Variants in CFAP47 observed in about 807,000 individuals in gnomAD.
CFAP47 encodes the protein cilia and flagella associated protein 47, also known as cilia- and flagella-associated protein 47.
Under a neutral mutation model 148.1 loss-of-function variants are expected in CFAP47, and 29 were observed. The observed-to-expected ratio is 0.20, with a 90% CI of 0.15 to 0.27. The LOEUF (loss-of-function observed/expected upper bound fraction) is 0.27, where lower values mean the gene tolerates loss of function less well. Ranked by LOEUF, CFAP47 falls within the 10% of genes least tolerant of loss-of-function variation. CFAP47 has a pLI of 1.00. For synonymous variants in CFAP47, 664 were observed against 577.3 expected, an observed-to-expected ratio of 1.15 and a Z score of -2.15; for missense variants, 1,872 against 1,697.5, an observed-to-expected ratio of 1.10 and a Z score of -1.81.
intron 8 of CFAP47, among the ~76,000 whole-genome samples, chrX:35,957,081 T>A (rs904730011): frequency 2.8e-5 from 3 of 109,091 alleles, no homozygotes; most frequent in African/African-American, 1.0e-4. Flanking sequence ...TGGTGGCACA[T>A]GCCTCTAGTC....
chrX:36,341,282 G>A (rs782581487), intron 57 of CFAP47, among the ~76,000 whole-genome samples: 11 of 110,448 alleles, frequency 1.0e-4, no homozygotes, highest in Admixed American at 1.9e-4. Flanking sequence ...TGATCTGCCC[G>A]CCTCGGCCTC....
chrX:35,992,653 A>G (rs1334558640), intron 17 of CFAP47, among the ~76,000 whole-genome samples: 1 of 111,542 alleles, frequency 9.0e-6, no homozygotes, highest in Admixed American at 9.6e-5. Flanking sequence ...AGCTTAAAGC[A>G]TGGTAAATAG....
At chrX:36,265,760 T>TG (rs1344022866) in intron 49 of CFAP47, among the ~76,000 whole-genome samples, 5 of 111,876 alleles carry the variant, frequency 4.5e-5, no homozygotes, top group African/African-American at 1.6e-4. Flanking sequence ...GTGATTTTTT[T>TG]GGGGGGTAAA....
At chrX:35,995,916 T>C (rs1337838493) in intron 18 of CFAP47, among the ~76,000 whole-genome samples, 3 of 111,633 alleles carry the variant, frequency 2.7e-5, no homozygotes, top group African/African-American at 9.8e-5. Flanking sequence ...ATCACAGGCT[T>C]CAAAGTCTCT....
At chrX:36,322,032 G>A (rs1835065211) in intron 57 of CFAP47, among the ~76,000 whole-genome samples, 1 of 110,875 alleles carries the variant, frequency 9.0e-6, no homozygotes, top group Admixed American at 9.7e-5. Context: ...TCTATATTGT[G>A]CTTTTTTGCT....
In CFAP47 at chrX:35,971,781, A is replaced by G; in HGVS notation, c.2157+9A>G. 1 of 1,199,339 alleles carries G rather than the reference A, an allele frequency of 8.3e-7. No individual in the cohort carries two copies. Among genetic ancestry groups the G allele is most frequent in the Non-Finnish European group, 1.1e-6 (1 of 886,396 alleles). On this transcript the variant is annotated intron_variant, in intron 12 of 63. Coordinates refer to ENST00000378653, the MANE Select transcript of CFAP47 (RefSeq NM_001304548.2). ...AGTCTGTGAGAAGAAAGGCACGTGC[A>G]ATGTTTTACATTTGGTTATTCCACG...
At chrX:35,951,384 A>G (rs768557480) in intron 5 of CFAP47, 25 bp downstream of exon 5, 7 of 932,871 alleles carry the variant, frequency 7.5e-6, no homozygotes, top group Non-Finnish European at 4.6e-6. Flanking sequence ...CGACAGGGAT[A>G]TCAGATATTA....
chrX:36,179,219 A>G (rs764878389), intron 39 of CFAP47, 126 bp from the exon 40 acceptor site: 148 of 269,698 alleles, frequency 5.5e-4, no homozygotes, highest in Middle Eastern at 1.0e-3. Context: ...ATTTTTTTAA[A>G]CTGTAGTTTA....
intron 49 of CFAP47, among the ~76,000 whole-genome samples, chrX:36,259,850 C>A (rs1940796358): frequency 1.8e-5 from 2 of 111,328 alleles, no homozygotes; most frequent in African/African-American, 6.5e-5. Context: ...GCCTTCCAAC[C>A]AATGCCCTTC....
intron 15 of CFAP47, among the ~76,000 whole-genome samples, chrX:35,979,035 T>TG (rs1362979120): frequency 9.0e-6 from 1 of 111,598 alleles, no homozygotes; most frequent in Non-Finnish European, 1.9e-5. Flanking sequence ...TGGAGTGCAA[T>TG]GGCGTCATCT....
intron 15 of CFAP47, among the ~76,000 whole-genome samples, chrX:35,984,036 G>A (rs1187533345): frequency 1.8e-5 from 2 of 111,592 alleles, no homozygotes; most frequent in African/African-American, 6.5e-5. Flanking sequence ...AGTAAGAATG[G>A]TGCCAGCTCT....
At chrX:36,137,128 G>A (rs1020934731) in intron 33 of CFAP47, among the ~76,000 whole-genome samples, 1 of 110,995 alleles carries the variant, frequency 9.0e-6, no homozygotes, top group South Asian at 3.8e-4. Context: ...TGTCATGGGT[G>A]TATCATGTCA....
rs200312725 is a variant in CFAP47, at chrX:36,066,059, A to AT, written c.4318+322dup. On this transcript the variant is annotated intron_variant, in intron 27 of 63. Coordinates refer to ENST00000378653, the MANE Select transcript of CFAP47 (RefSeq NM_001304548.2). ...TCTGTAGCAGTGGGAACCTTCTGTC[A>AT]TTTTTTGAGTATCAGTGTTTAGAAA... is the stretch of plus-strand genomic sequence containing the variant. 1.9e-3 allele frequency among the ~76,000 whole-genome samples: 208 copies of AT among 112,189 alleles called. 4 individuals carry two copies. The highest frequency in any genetic ancestry group is 0.017 in the East Asian group (62 of 3,546).
At chrX:35,970,288 AT>A (rs1569219177) in intron 10 of CFAP47, among the ~76,000 whole-genome samples, 1 of 111,258 alleles carries the variant, frequency 9.0e-6, no homozygotes, top group Non-Finnish European at 1.9e-5. Context: ...ATATAGGCTT[AT>A]TGTTGATGGT....
intron 33 of CFAP47, among the ~76,000 whole-genome samples, chrX:36,132,325 A>G (rs1223431110): frequency 8.9e-6 from 1 of 111,982 alleles, no homozygotes; most frequent in Non-Finnish European, 1.9e-5. Context: ...AATGACAACT[A>G]CATTAGACTG....
chrX:36,304,152 C>T lies in CFAP47; in HGVS notation c.8082+192C>T, dbSNP rs782386853. The stretch of plus-strand genomic sequence containing the variant: ...ATCCCAGCACTTTGGGAGGCTGAGG[C>T]GGGCAGATCACTTGAGGCCAGGAGT... On this transcript the variant is annotated intron_variant, in intron 54 of 63. Transcript: ENST00000378653. Among the ~76,000 whole-genome samples, 4 of 111,061 alleles carry T rather than the reference C, an allele frequency of 3.6e-5. No individual in the cohort carries two copies. In the East Asian group the frequency reaches 8.5e-4, roughly 24 times the overall value.
intron 1 of CFAP47, among the ~76,000 whole-genome samples, chrX:35,923,355 C>T (rs1935607792): frequency 9.0e-6 from 1 of 111,728 alleles, no homozygotes; most frequent in East Asian, 2.8e-4. Context: ...ATGCTTGACA[C>T]ATTATAAATG....
chrX:36,219,173 C>T (rs1359455463), intron 45 of CFAP47, among the ~76,000 whole-genome samples: 2 of 111,712 alleles, frequency 1.8e-5, no homozygotes, highest in African/African-American at 6.5e-5. Flanking sequence ...AGAAGATTTG[C>T]AGGGCCATTT....
chrX:36,250,411 G>A (rs1940677201), intron 48 of CFAP47, among the ~76,000 whole-genome samples: 1 of 110,403 alleles, frequency 9.1e-6, no homozygotes, highest in African/African-American at 3.3e-5. Context: ...GCTGATGGGG[G>A]GAGTTGTTGG....
Sources: allele counts gnomAD v4.1 joint callset (sites outside exome capture counted in the v4.1 genomes callset), GRCh38; gene constraint gnomAD v4.1.1; transcripts MANE v1.5; gene names NCBI Gene and HGNC (gene_info 2026-07-23, HGNC 2026-07-21).